Variants in ADGRD1 observed in about 807,000 individuals in gnomAD.
ADGRD1 encodes adhesion G protein-coupled receptor D1, also known as G-protein coupled receptor 133.
A neutral mutation model predicts 113.4 loss-of-function variants in ADGRD1; 77 were observed. The ratio of observed to expected loss-of-function variants is 0.68; its 90% CI spans 0.57 to 0.82. The LOEUF (loss-of-function observed/expected upper bound fraction) is 0.82, where lower values mean the gene tolerates loss of function less well. ADGRD1 is among the 40% of genes least tolerant of loss of function. ADGRD1 has a pLI of 0.00. For missense variants in ADGRD1, 1,036 were observed against 1,139.1 expected (o/e 0.91, Z 1.30); for synonymous variants, 474 against 475.0 (o/e 1.00, Z 0.03).
intron 19 of ADGRD1, 148 bp downstream of exon 19, chr12:131,118,599 C>T (rs1950520780): frequency 5.2e-6 from 3 of 579,152 alleles, no homozygotes; most frequent in Non-Finnish European, 9.2e-6. Context: ...GTGAGAAAGT[C>T]GTGGTCCAGG....
intron 3 of ADGRD1, chr12:130,967,123 G>A: frequency 2.3e-6 from 1 of 426,318 alleles, no homozygotes; most frequent in South Asian, 1.6e-5. Flanking sequence ...CCACAGCAGG[G>A]GCCTATTGAT....
At chr12:131,112,296 A>G (rs759609663) in intron 18 of ADGRD1, among the ~76,000 whole-genome samples, 1 of 152,122 alleles carries the variant, frequency 6.6e-6, no homozygotes, top group Non-Finnish European at 1.5e-5. Flanking sequence ...TTATGTTTGT[A>G]TGACACCATC....
intron 15 of ADGRD1, among the ~76,000 whole-genome samples, chr12:131,102,596 G>A (rs1950114049): frequency 6.6e-6 from 1 of 152,200 alleles, no homozygotes; most frequent in African/African-American, 2.4e-5. Flanking sequence ...GGCAGAGTCG[G>A]TGTGAGTTCA....
chr12:130,976,173 T>C (rs946199784), intron 4 of ADGRD1, among the ~76,000 whole-genome samples: 1 of 152,116 alleles, frequency 6.6e-6, no homozygotes, highest in African/African-American at 2.4e-5. Flanking sequence ...AGTTTTAGGA[T>C]AGAAATTTCC....
rs563809116 is a variant in ADGRD1, at chr12:130,965,090, T to C, written c.104-1373T>C. Reference sequence around the variant, plus strand: ...CATCCCTCAGAATTATTATTTTTTATTTTCTTCATGAAAATCTTGTACAAT... The same window carrying C: ...CATCCCTCAGAATTATTATTTTTTACTTTCTTCATGAAAATCTTGTACAAT... On this transcript the variant is annotated intron_variant, in intron 2 of 24. Transcript: ENST00000261654. The surrounding 1 kb of genome is among the most constrained non-coding windows in gnomAD (Gnocchi z 4.8). Among the ~76,000 whole-genome samples, 53 of 152,332 alleles carry C rather than the reference T, an allele frequency of 3.5e-4. No homozygotes were observed. In the Middle Eastern group the frequency reaches 0.014, roughly 39 times the overall value.
At chr12:130,981,524 C>A (rs1300401146) in intron 4 of ADGRD1, among the ~76,000 whole-genome samples, 2 of 152,076 alleles carry the variant, frequency 1.3e-5, no homozygotes, top group Non-Finnish European at 2.9e-5. Flanking sequence ...TTTGCATGAT[C>A]CCGGGGAGTG....
At chr12:131,015,618 A>ATGGAGTTGGAGATGGAGG (rs1878475793) in intron 13 of ADGRD1, among the ~76,000 whole-genome samples, 2 of 142,442 alleles carry the variant, frequency 1.4e-5, no homozygotes, top group Admixed American at 1.4e-4. Context: ...GGAGATGGAG[A>ATGGAGTTGGAGATGGAGG]TGGAGTTGGA....
rs1304020405 is a variant in ADGRD1 at position 131,075,348 on chromosome 12, T to C, written c.1474-1453T>C. ...GAGGTTGGTGCTGCAGTTTTCCTGC[T>C]GATGCCCCTCTGTGGTCCTGGTGGC... On this transcript the variant is annotated intron_variant, in intron 13 of 24. Coordinates refer to ENST00000261654, the MANE Select transcript of ADGRD1 (RefSeq NM_198827.5). The surrounding 1 kb of genome is among the most constrained non-coding windows in gnomAD (Gnocchi z 5.3). Among the ~76,000 whole-genome samples the C allele has an allele frequency of 6.6e-6, 1 of 152,018 alleles. No individual in the cohort carries two copies. The highest frequency in any genetic ancestry group is 1.5e-5 in the Non-Finnish European group (1 of 67,992).
chr12:130,959,885 T>C (rs1032064704), intron 2 of ADGRD1, among the ~76,000 whole-genome samples: 3 of 152,206 alleles, frequency 2.0e-5, no homozygotes, highest in African/African-American at 7.2e-5. Flanking sequence ...TAGAATGTCG[T>C]AGTTGAGGGA....
At chr12:131,101,696 A>G (rs562570833) in intron 15 of ADGRD1, among the ~76,000 whole-genome samples, 1 of 152,062 alleles carries the variant, frequency 6.6e-6, no homozygotes, top group African/African-American at 2.4e-5. Flanking sequence ...ATTGGTTTTT[A>G]ACTGAATTCA....
intron 4 of ADGRD1, among the ~76,000 whole-genome samples, chr12:130,973,608 A>G (rs896564612): frequency 3.3e-5 from 5 of 152,158 alleles, no homozygotes; most frequent in African/African-American, 1.2e-4. Context: ...CTCTGCACCA[A>G]TCCTTGGTCT....
intron 8 of ADGRD1, among the ~76,000 whole-genome samples, chr12:130,997,755 G>A (rs1372110803): frequency 1.3e-5 from 2 of 150,764 alleles, no homozygotes; most frequent in African/African-American, 2.4e-5. Context: ...TCACATCCCA[G>A]ACGATGGGCG....
Position 130,954,769 on chromosome 12 carries a change from T to C in ADGRD1, c.103+109T>C, listed in dbSNP as rs1367472568. Reference sequence around the variant, plus strand: ...CTGAGGCATCAGCGAATGGCCCTTGTTGGGCTCCTGGTCCCCGACCTCACT... The same window carrying C: ...CTGAGGCATCAGCGAATGGCCCTTGCTGGGCTCCTGGTCCCCGACCTCACT... On this transcript the variant is annotated intron_variant, in intron 2 of 24. Coordinates refer to ENST00000261654, the MANE Select transcript of ADGRD1 (RefSeq NM_198827.5). The surrounding 1 kb of genome is among the most constrained non-coding windows in gnomAD (Gnocchi z 4.7). 5.6e-6 allele frequency: 6 copies of C among 1,072,626 alleles called. No individual in the cohort carries two copies. Among genetic ancestry groups the C allele is most frequent in the Non-Finnish European group, 8.5e-6 (6 of 701,866 alleles). The allele number at this position is 1,072,626 out of a possible 1,614,324, so 66.4% of individuals were successfully genotyped here.
intron 18 of ADGRD1, among the ~76,000 whole-genome samples, chr12:131,117,628 G>C (rs574640549): frequency 6.6e-6 from 1 of 152,290 alleles, no homozygotes; most frequent in South Asian, 2.1e-4. Context: ...AATAGCTGTG[G>C]CTGGGGGATT....
chr12:131,102,270 A>AGT (rs1950105347), intron 15 of ADGRD1, among the ~76,000 whole-genome samples: 1 of 152,214 alleles, frequency 6.6e-6, no homozygotes, highest in African/African-American at 2.4e-5. Context: ...GATTAATGGG[A>AGT]GTAGCTCTTG....
At chr12:131,002,285 G>T (rs1876483529) in intron 9 of ADGRD1, among the ~76,000 whole-genome samples, 1 of 152,252 alleles carries the variant, frequency 6.6e-6, no homozygotes, top group Admixed American at 6.5e-5. Flanking sequence ...GCATTAAAGA[G>T]AATGCATGAA....
intron 14 of ADGRD1, among the ~76,000 whole-genome samples, chr12:131,083,253 C>G (rs1221298836): frequency 6.6e-6 from 1 of 152,016 alleles, no homozygotes; most frequent in Non-Finnish European, 1.5e-5. Context: ...TTACTGATAA[C>G]TTGAGGTTCC....
chr12:131,027,142 T>C lies in ADGRD1; in HGVS notation c.1473+12802T>C, dbSNP rs1044513135. ...TTTTCTTCCCATGGTCATTCCTTGG[T>C]GCACTGTAGATCCAGGATATTCCTA... On this transcript the variant is annotated intron_variant, in intron 13 of 24. Coordinates refer to ENST00000261654, the MANE Select transcript of ADGRD1 (RefSeq NM_198827.5). This position sits in a 1 kb window ranked among gnomAD's most constrained non-coding sequence, Gnocchi z 5.1. 6.6e-6 allele frequency: 1 copy of C among 152,200 alleles called. No homozygotes were observed. The highest frequency in any genetic ancestry group is 2.4e-5 in the African/African-American group (1 of 41,432). The allele number at this position is 152,200 out of a possible 1,614,324, so 9.4% of individuals were successfully genotyped here. A position where few individuals can be genotyped will look rare whatever the true frequency, so the allele number is the denominator to read the frequency against.
chr12:131,122,744 CCT>C (rs913333459), intron 20 of ADGRD1, among the ~76,000 whole-genome samples: 5 of 152,210 alleles, frequency 3.3e-5, no homozygotes, highest in African/African-American at 9.7e-5. Flanking sequence ...AGAACAGGCC[CCT>C]GTGTCAGACA....
Sources: gnomAD v4.1 joint callset for allele counts (sites outside exome capture counted in the v4.1 genomes callset) on GRCh38, gnomAD v4.1.1 for gene constraint, Gnocchi (gnomAD v3.1) non-coding constraint, MANE v1.5 for transcripts, NCBI Gene and HGNC (gene_info 2026-07-23, HGNC 2026-07-21) for gene names.